The following ADCY1 variants were observed in gnomAD, a reference collection of about 807,000 sequenced individuals.
ADCY1 encodes adenylate cyclase type 1.
In ADCY1, 28 loss-of-function variants were observed where a neutral mutation model predicts 105.4. The observed-to-expected ratio is 0.27, with a 90% confidence interval of 0.20 to 0.36. The LOEUF (loss-of-function observed/expected upper bound fraction) is 0.36. ADCY1 is among the 10% of genes least tolerant of loss of function. ADCY1 has a pLI of 1.00. For synonymous variants in ADCY1, 655 were observed against 623.8 expected, an observed-to-expected ratio of 1.05 and a Z score of -0.75; for missense variants, 977 against 1,434.2, an observed-to-expected ratio of 0.68 and a Z score of 5.15.
chr7:45,653,948 C>A (rs1794876588), intron 5 of ADCY1, among the ~76,000 whole-genome samples: 1 of 152,250 alleles, frequency 6.6e-6, no homozygotes, highest in Non-Finnish European at 1.5e-5. Flanking sequence ...CTGCTAGATT[C>A]TTGGCTCCCA....
chr7:45,619,731 G>A lies in ADCY1; in HGVS notation c.909-2901G>A, dbSNP rs1157991934. 2.6e-5 allele frequency among the ~76,000 whole-genome samples: 4 copies of A among 152,158 alleles called. No individual in the cohort carries two copies. The East Asian group carries it at 7.7e-4, about 29-fold the overall frequency. ...TGGTGGTTGCTAGGGAAAGGAGGCA[G>A]AGGAAAATGGGGTGATGTTGGTAAA... On this transcript the variant is annotated intron_variant, in intron 3 of 19. Transcript: ENST00000297323.
At chr7:45,679,888 A>G in intron 11 of ADCY1, 95 bp downstream of exon 11, 1 of 1,421,598 alleles carries the variant, frequency 7.0e-7, no homozygotes. Flanking sequence ...TGGTCCAGGT[A>G]TGAGGGTGGC....
chr7:45,708,842 G>C lies in ADCY1; in HGVS notation c.2932+378G>C, dbSNP rs960814440. ...TGTCCAGAAGGAGGCCTTGACGGGA[G>C]CCCCACTGTGCGGACTCCAGCCGCC... On this transcript the variant is annotated intron_variant, in intron 18 of 19. Transcript: ENST00000297323. This position sits in a 1 kb window ranked among gnomAD's most constrained non-coding sequence, Gnocchi z 4.7. Among the ~76,000 whole-genome samples the C allele has an allele frequency of 3.9e-5, 6 of 152,222 alleles. No individual in the cohort carries two copies.
chr7:45,722,924 T>C lies in ADCY1; in HGVS notation c.*8929T>C, dbSNP rs1014064874. On this transcript the variant is annotated 3_prime_UTR_variant, in exon 20 of 20. Transcript: ENST00000297323. ...CTGAACACTGTAGGGTACCTTCCAGTCTTTTTCAAGATTGTTAAATTGAGA... is the reference window on the plus strand; with the variant it reads ...CTGAACACTGTAGGGTACCTTCCAGCCTTTTTCAAGATTGTTAAATTGAGA... 6.6e-6 allele frequency: 1 copy of C among 152,658 alleles called. No individual in the cohort carries two copies. Among genetic ancestry groups the C allele is most frequent in the African/African-American group, 2.4e-5 (1 of 41,448 alleles). The allele number at this position is 152,658 out of a possible 1,614,324, so 9.5% of individuals were successfully genotyped here. A position where few individuals can be genotyped will look rare whatever the true frequency, so the allele number is the denominator to read the frequency against.
At chr7:45,582,202 C>G (rs999510422) in intron 1 of ADCY1, among the ~76,000 whole-genome samples, 1 of 152,238 alleles carries the variant, frequency 6.6e-6, no homozygotes, top group Non-Finnish European at 1.5e-5. Context: ...ACTCACTTCA[C>G]TGTTACTAAT....
Position 45,703,596 on chromosome 7 carries a change from C to T in ADCY1, c.2572-4C>T, listed in dbSNP as rs1464673058. 9.3e-6 allele frequency: 15 copies of T among 1,611,512 alleles called. No homozygotes were observed. Among genetic ancestry groups the T allele is most frequent in the Non-Finnish European group, 1.3e-5 (15 of 1,178,470 alleles). ...CCTTCCTGACCCATCCTTTGAACTTCCAGGACCTCTACTACCAGTCCTACT... is the reference window on the plus strand; with the variant it reads ...CCTTCCTGACCCATCCTTTGAACTTTCAGGACCTCTACTACCAGTCCTACT... On this transcript the variant is annotated splice_polypyrimidine_tract_variant and splice_region_variant and intron_variant, in intron 15 of 19. Coordinates refer to ENST00000297323, the MANE Select transcript of ADCY1 (RefSeq NM_021116.4). This position sits in a 1 kb window ranked among gnomAD's most constrained non-coding sequence, Gnocchi z 5.9.
chr7:45,680,937 T>C (rs1207754260), intron 11 of ADCY1, among the ~76,000 whole-genome samples: 2 of 152,250 alleles, frequency 1.3e-5, no homozygotes, highest in Admixed American at 1.3e-4. Context: ...TGGAAAGCTC[T>C]GCCCAAAGGT....
chr7:45,660,008 C>T (rs779341168), intron 6 of ADCY1, 34 bp from the exon 7 acceptor site: 22 of 1,612,792 alleles, frequency 1.4e-5, no homozygotes, highest in African/African-American at 4.0e-5. Flanking sequence ...CAGTGGTTCC[C>T]CACTCATCTG....
At chr7:45,599,550 C>T (rs969888891) in intron 2 of ADCY1, among the ~76,000 whole-genome samples, 9 of 151,358 alleles carry the variant, frequency 5.9e-5, no homozygotes, top group East Asian at 3.9e-4. Flanking sequence ...AGCTGGTTGT[C>T]GCCTTGGTCT....
At chr7:45,651,317 G>A (rs1348285518) in intron 5 of ADCY1, among the ~76,000 whole-genome samples, 2 of 152,162 alleles carry the variant, frequency 1.3e-5, no homozygotes, top group African/African-American at 4.8e-5. Context: ...CCGGCCTTCT[G>A]TTGGGACCAT....
At position 45,716,505 on chromosome 7, in the gene ADCY1, G is replaced by A. The variant is rs564275603; in HGVS notation, c.*2510G>A. The A allele has an allele frequency of 6.5e-6, 1 of 153,384 alleles. No homozygotes were observed. Among genetic ancestry groups the A allele is most frequent in the Non-Finnish European group, 1.5e-5 (1 of 68,884 alleles). 9.5% of individuals were successfully genotyped at this position (153,384 alleles called of 1,614,324 possible). A position where few individuals can be genotyped will look rare whatever the true frequency, so the allele number is the denominator to read the frequency against. ...AGGGAGCCTGTGAGGGAGTAGTGCG[G>A]TGGTGGTGAGTGTGGCTGCCCTGGC... On this transcript the variant is annotated 3_prime_UTR_variant, in exon 20 of 20. Coordinates refer to ENST00000297323, the MANE Select transcript of ADCY1 (RefSeq NM_021116.4).
chr7:45,721,424 CAAATATACAGAATCTCCTT>C lies in ADCY1; in HGVS notation c.*7432_*7450del. ...CGAAACCTGTCATTGCGTCTAATTT[CAAATATACAGAATCTCCTT>C]AAGAGCTGTTGCCTTATTTTTTTGT... On this transcript the variant is annotated 3_prime_UTR_variant, in exon 20 of 20. Transcript: ENST00000297323. 2.7e-6 allele frequency: 1 copy of C among 370,204 alleles called. No individual in the cohort carries two copies. The highest frequency in any genetic ancestry group is 4.8e-6 in the Non-Finnish European group (1 of 208,756). 22.9% of individuals were successfully genotyped at this position (370,204 alleles called of 1,614,324 possible). A position where few individuals can be genotyped will look rare whatever the true frequency, so the allele number is the denominator to read the frequency against.
In ADCY1 at chr7:45,665,686, G is replaced by T. The variant is rs182402402; in HGVS notation, c.1605+3472G>T. ...TGTGCACCAGAGGTTAATGCAAATA[G>T]AAGTTTATCATTTTGTCTTCCACAC... On this transcript the variant is annotated intron_variant, in intron 8 of 19. Coordinates refer to ENST00000297323, the MANE Select transcript of ADCY1 (RefSeq NM_021116.4). Among the ~76,000 whole-genome samples the T allele has an allele frequency of 8.9e-4, 136 of 152,314 alleles. 1 individual carries two copies. The highest frequency in any genetic ancestry group is 3.0e-3 in the African/African-American group (125 of 41,566).
intron 14 of ADCY1, among the ~76,000 whole-genome samples, chr7:45,698,030 A>G (rs561988080): frequency 6.6e-6 from 1 of 152,314 alleles, no homozygotes; most frequent in Non-Finnish European, 1.5e-5. Context: ...AGGGCCATGG[A>G]TGGGACAAAC....
At chr7:45,704,644 G>C in intron 17 of ADCY1, 28 bp downstream of exon 17, 1 of 1,593,780 alleles carries the variant, frequency 6.3e-7, no homozygotes, top group Non-Finnish European at 8.6e-7. Context: ...CTGCCTGCTT[G>C]GGGACTGGGT....
rs528194430 is a variant in ADCY1, at chr7:45,647,343, A to G, written c.1021-1327A>G. Reference sequence around the variant, plus strand: ...TTCCTTTTCTCTAAGAATGTGGGGCACAGATGAGCACAGGGGTCATGAGAG... The same window carrying G: ...TTCCTTTTCTCTAAGAATGTGGGGCGCAGATGAGCACAGGGGTCATGAGAG... On this transcript the variant is annotated intron_variant, in intron 4 of 19. Coordinates refer to ENST00000297323, the MANE Select transcript of ADCY1 (RefSeq NM_021116.4). This position sits in a 1 kb window ranked among gnomAD's most constrained non-coding sequence, Gnocchi z 4.6. Among the ~76,000 whole-genome samples the G allele has an allele frequency of 9.8e-5, 15 of 152,348 alleles. No homozygotes were observed. Among genetic ancestry groups the G allele is most frequent in the Admixed American group, 5.9e-4 (9 of 15,308 alleles).
intron 14 of ADCY1, among the ~76,000 whole-genome samples, chr7:45,699,541 C>T (rs1031346803): frequency 4.0e-5 from 6 of 151,656 alleles, no homozygotes; most frequent in Non-Finnish European, 8.8e-5. Flanking sequence ...AGCAGCCTCC[C>T]GAGCAGCCAG....
At chr7:45,683,835 T>A (rs1784611563) in intron 11 of ADCY1, among the ~76,000 whole-genome samples, 1 of 152,190 alleles carries the variant, frequency 6.6e-6, no homozygotes, top group Non-Finnish European at 1.5e-5. Flanking sequence ...GGAGAATAGT[T>A]ACCTGCAAAA....
Position 45,574,776 on chromosome 7 carries a change from C to CCGAGCTGCTGGG in ADCY1, c.236_247dup (p.Glu79_Gly82dup). ...CTGCTGGCGGGCGCGCTGGCGCTGG[C>CCGAGCTGCTGGG]CGAGCTGCTGGGCGCGCCGGGGCCC... On this transcript the variant is annotated inframe_insertion, in exon 1 of 20. Transcript: ENST00000297323. This position sits in a 1 kb window ranked among gnomAD's most constrained non-coding sequence, Gnocchi z 7.0. 1 of 1,489,970 alleles carries CCGAGCTGCTGGG rather than the reference C, an allele frequency of 6.7e-7. No homozygotes were observed. The highest frequency in any genetic ancestry group is 8.9e-7 in the Non-Finnish European group (1 of 1,126,856). 92.3% of individuals were successfully genotyped at this position (1,489,970 alleles called of 1,614,324 possible). A position where few individuals can be genotyped will look rare whatever the true frequency, so the allele number is the denominator to read the frequency against.
Sources: gnomAD v4.1 joint callset for allele counts (sites outside exome capture counted in the v4.1 genomes callset) on GRCh38, gnomAD v4.1.1 for gene constraint, Gnocchi (gnomAD v3.1) non-coding constraint, MANE v1.5 for transcripts, NCBI Gene and HGNC (gene_info 2026-07-23, HGNC 2026-07-21) for gene names.